ABCA12: variants seen among roughly 807,000 people sequenced by gnomAD.
ABCA12 encodes glucosylceramide transporter ABCA12.
A neutral mutation model predicts 293.5 loss-of-function variants in ABCA12; 156 were observed. The ratio of observed to expected loss-of-function variants is 0.53; its 90% CI spans 0.47 to 0.61. The LOEUF is 0.61. Among genes scored for constraint, ABCA12 ranks in the 20% least tolerant of loss-of-function variants. The pLI is 0.00. For missense variants in ABCA12, 2,797 were observed against 3,090.2 expected, an observed-to-expected ratio of 0.91 and a Z score of 2.25; for synonymous variants, 1,063 against 1,108.0, an observed-to-expected ratio of 0.96 and a Z score of 0.81.
At chr2:214,972,582 A>G (rs1699410382) in intron 36 of ABCA12, among the ~76,000 whole-genome samples, 1 of 151,816 alleles carries the variant, frequency 6.6e-6, no homozygotes, top group African/African-American at 2.4e-5. Context: ...TAATTTTTAA[A>G]TTTTTTGTAG....
intron 11 of ABCA12, among the ~76,000 whole-genome samples, chr2:215,020,228 A>G (rs1700597800): frequency 6.6e-6 from 1 of 151,972 alleles, no homozygotes; most frequent in South Asian, 2.1e-4. Context: ...AAAAAACAAA[A>G]TAACAAGTGT....
chr2:214,939,458 G>A lies in ABCA12; in HGVS notation c.7437-1843C>T, dbSNP rs573457666. 3.3e-5 allele frequency among the ~76,000 whole-genome samples: 5 copies of A among 152,144 alleles called. No homozygotes were observed. The South Asian group carries it at 8.3e-4, about 25-fold the overall frequency. On this transcript the variant is annotated intron_variant, in intron 50 of 52. Coordinates refer to ENST00000272895, the MANE Select transcript of ABCA12 (RefSeq NM_173076.3). ...CTTGGCTATAGGGGCTCTTTTTTTGGTTCCAGATGAAATTTAAAGTAGTTT... is the reference window on the plus strand; with the variant it reads ...CTTGGCTATAGGGGCTCTTTTTTTGATTCCAGATGAAATTTAAAGTAGTTT...
chr2:214,950,782 G>T, intron 45 of ABCA12, 97 bp downstream of exon 45: 1 of 1,334,610 alleles, frequency 7.5e-7, no homozygotes, highest in Non-Finnish European at 1.1e-6. Context: ...TAAGATTACA[G>T]GTGTGAGCCA....
At position 215,095,407 on chromosome 2, in the gene ABCA12, G is replaced by A. The variant is rs1017143238; in HGVS notation, c.163+16190C>T. 2.9e-4 allele frequency among the ~76,000 whole-genome samples: 44 copies of A among 152,022 alleles called. 1 individual carries two copies. Among genetic ancestry groups the A allele is most frequent in the African/African-American group, 9.9e-4 (41 of 41,394 alleles). On this transcript the variant is annotated intron_variant, in intron 2 of 52. Transcript: ENST00000272895. ...TCCATTTAGTTTCCCAATTCATACA[G>A]AACCGCATCCAGGCCACATCAATCA... is the stretch of plus-strand genomic sequence containing the variant.
intron 23 of ABCA12, among the ~76,000 whole-genome samples, chr2:214,996,942 G>A (rs1201191191): frequency 1.3e-5 from 2 of 152,208 alleles, no homozygotes; most frequent in Non-Finnish European, 1.5e-5. Context: ...CTCCATGAGT[G>A]AGTATAAGAA....
chr2:215,017,841 A>G, intron 14 of ABCA12, 167 bp downstream of exon 14: 1 of 880,392 alleles, frequency 1.1e-6, no homozygotes, highest in South Asian at 1.7e-5. Context: ...CTTGCTTCAG[A>G]ATTTTTCTTC....
intron 19 of ABCA12, among the ~76,000 whole-genome samples, chr2:215,005,744 T>C (rs929256603): frequency 5.3e-5 from 8 of 152,256 alleles, no homozygotes; most frequent in Admixed American, 5.2e-4. Context: ...GTACAATGTA[T>C]ATTATTTGGG....
chr2:215,076,348 G>T (rs1242300504), intron 2 of ABCA12, among the ~76,000 whole-genome samples: 1 of 152,092 alleles, frequency 6.6e-6, no homozygotes. Context: ...TTCCCACGTT[G>T]TACAGTTAAA....
chr2:214,974,902 T>C (rs1699476005), intron 34 of ABCA12, 38 bp from the exon 35 acceptor site: 1 of 1,506,786 alleles, frequency 6.6e-7, no homozygotes, highest in African/African-American at 1.4e-5. Flanking sequence ...TCATGATTTT[T>C]CTACTAGTCT....
chr2:215,033,382 G>A (rs1700920135), intron 8 of ABCA12, among the ~76,000 whole-genome samples: 1 of 152,078 alleles, frequency 6.6e-6, no homozygotes, highest in Non-Finnish European at 1.5e-5. Context: ...AAGCTAATTG[G>A]TATTTGTAAT....
chr2:214,934,485 T>C (rs1698158687), intron 51 of ABCA12, among the ~76,000 whole-genome samples: 1 of 152,218 alleles, frequency 6.6e-6, no homozygotes, highest in Non-Finnish European at 1.5e-5. Context: ...CATTATAATC[T>C]TGCCTGGAAA....
At chr2:214,958,506 T>C (rs1326635142) in intron 40 of ABCA12, 52 bp from the exon 41 acceptor site, 3 of 1,581,806 alleles carry the variant, frequency 1.9e-6, no homozygotes, top group Non-Finnish European at 2.6e-6. Flanking sequence ...TGAAACTCTT[T>C]TCCTTTCAGA....
At chr2:215,045,249 C>T (rs1019199963) in intron 7 of ABCA12, among the ~76,000 whole-genome samples, 8 of 152,144 alleles carry the variant, frequency 5.3e-5, no homozygotes, top group African/African-American at 1.2e-4. Context: ...ATCTCTTTTA[C>T]GAATAAAGTA....
At position 214,983,837 on chromosome 2, in the gene ABCA12, A is replaced by C; in HGVS notation, c.4192T>G (p.Ser1398Ala). ...ISMLTGLFGA[S>A]AGTIFVYGKD... ...CCATATACAAAAATGGTGCCTGCTG[A>C]GGCCCCAAACAGCCCAGTTAACATG... The change falls in exon 29 of 53, where the codon TCA becomes GCA. Residue 1398 changes from serine (S) to alanine (A), a missense_variant. Ser to Ala is a moderately conservative substitution (Grantham distance 99, BLOSUM62 1). Coordinates refer to ENST00000272895, the MANE Select transcript of ABCA12 (RefSeq NM_173076.3). 6.2e-7 allele frequency: 1 copy of C among 1,614,084 alleles called. No individual in the cohort carries two copies. The highest frequency in any genetic ancestry group is 8.5e-7 in the Non-Finnish European group (1 of 1,180,016).
At chr2:215,004,180 G>T (rs779656198) in intron 20 of ABCA12, 29 bp downstream of exon 20, 2 of 1,564,710 alleles carry the variant, frequency 1.3e-6, no homozygotes, top group Non-Finnish European at 1.8e-6. Flanking sequence ...CATGACTCAT[G>T]AATAAAAGCT....
intron 39 of ABCA12, chr2:214,961,888 AGTATTG>A (rs1699122891): frequency 6.6e-6 from 1 of 152,184 alleles, no homozygotes; most frequent in African/African-American, 2.4e-5. Flanking sequence ...TGCTGGAATG[AGTATTG>A]GACTCTTCGG....
At position 214,948,629 on chromosome 2, in the gene ABCA12, C is replaced by A. The variant is rs540499088; in HGVS notation, c.7071G>T (p.Arg2357Ser). Reference protein sequence around the residue: ...TVEEHLYFYARVHGIPEKDIK... With the variant: ...TVEEHLYFYASVHGIPEKDIK... ...TATCCTTTTCTGGAATTCCATGTAC[C>A]CTGGCATAGAAATACAAATGTTCTT... The change falls in exon 47 of 53, where the codon AGG becomes AGT. Residue 2357 changes from arginine (R) to serine (S), a missense_variant. Arg to Ser is a moderately radical substitution (Grantham distance 110). Around this residue, in one of 3 missense-constraint regions of ABCA12, gnomAD observed 2,130 missense variants for 2,427.0 expected, o/e 0.88. Coordinates refer to ENST00000272895, the MANE Select transcript of ABCA12 (RefSeq NM_173076.3). 2 of 1,613,942 alleles carry A rather than the reference C, an allele frequency of 1.2e-6. No homozygotes were observed. Among genetic ancestry groups the A allele is most frequent in the Admixed American group, 3.3e-5 (2 of 60,006 alleles).
At chr2:215,011,348 A>T in intron 17 of ABCA12, 91 bp downstream of exon 17, 3 of 917,486 alleles carry the variant, frequency 3.3e-6, no homozygotes, top group Non-Finnish European at 5.2e-6. Flanking sequence ...GAAAATTAAT[A>T]CTTCATTTAT....
At chr2:214,961,566 T>C (rs1036334700) in intron 39 of ABCA12, among the ~76,000 whole-genome samples, 1 of 152,114 alleles carries the variant, frequency 6.6e-6, no homozygotes, top group Non-Finnish European at 1.5e-5. Context: ...TGCTACATTT[T>C]CCCCTAGTTA....
Sources: gnomAD v4.1 joint callset for allele counts (sites outside exome capture counted in the v4.1 genomes callset) on GRCh38, gnomAD v4.1.1 for gene constraint, gnomAD v4.1.1 regional missense constraint, MANE v1.5 for transcripts, NCBI Gene and HGNC (gene_info 2026-07-23, HGNC 2026-07-21) for gene names.